PCDH15: variants seen among roughly 807,000 people sequenced by gnomAD.
The protein encoded by PCDH15 is protocadherin-15.
In PCDH15, 129 loss-of-function variants were observed where a neutral mutation model predicts 178.5. The observed-to-expected ratio is 0.72, with a 90% CI of 0.63 to 0.84. The LOEUF is 0.84. PCDH15 is among the 40% of genes least tolerant of loss of function. The pLI, the probability that PCDH15 is intolerant of heterozygous loss-of-function variation, is 0.00. For missense variants in PCDH15, 2,230 were observed against 2,099.9 expected (o/e 1.06, Z -1.21); for synonymous variants, 800 against 732.0 (o/e 1.09, Z -1.50).
chr10:55,447,058 G>C (rs1376752599), intron 2 of PCDH15, among the ~76,000 whole-genome samples: 1 of 151,926 alleles, frequency 6.6e-6, no homozygotes, highest in Non-Finnish European at 1.5e-5. Flanking sequence ...AATGTTGCAA[G>C]TTCAAAGGCA....
chr10:55,545,397 T>A (rs1466079134), intron 2 of PCDH15, among the ~76,000 whole-genome samples: 1 of 151,636 alleles, frequency 6.6e-6, no homozygotes, highest in East Asian at 2.0e-4. Context: ...TTCCTCAGCC[T>A]CCCTAGTAGC....
intron 2 of PCDH15, among the ~76,000 whole-genome samples, chr10:55,357,708 G>A (rs992821582): frequency 6.6e-6 from 1 of 151,808 alleles, no homozygotes; most frequent in Admixed American, 6.6e-5. Flanking sequence ...ATCTCAGGTT[G>A]ACCAGTCACA....
chr10:54,045,537 G>T (rs902116320), intron 18 of PCDH15, among the ~76,000 whole-genome samples: 1 of 152,054 alleles, frequency 6.6e-6, no homozygotes, highest in Non-Finnish European at 1.5e-5. Context: ...ATTGCTGCAA[G>T]ACTAGACTAA....
At chr10:55,531,405 G>C (rs535522458) in intron 2 of PCDH15, among the ~76,000 whole-genome samples, 2 of 151,916 alleles carry the variant, frequency 1.3e-5, no homozygotes, top group Admixed American at 1.3e-4. Flanking sequence ...TACATAAATG[G>C]CTCTTATTAA....
chr10:54,607,944 T>G (rs776324557), intron 2 of PCDH15: 1 of 508,020 alleles, frequency 2.0e-6, no homozygotes, highest in South Asian at 1.4e-5. Flanking sequence ...TGATTACTTT[T>G]GCACCAACCT....
chr10:55,390,268 A>G lies in PCDH15; in HGVS notation c.-155-223617T>C, dbSNP rs143272070. ...TCTTTGCAAAAAAGTGTGAATGATCATCTGAGTCCTCAGTGAATCCTAATC... is the reference window on the plus strand; with the variant it reads ...TCTTTGCAAAAAAGTGTGAATGATCGTCTGAGTCCTCAGTGAATCCTAATC... On this transcript the variant is annotated intron_variant, in intron 2 of 5. Coordinates refer to the PCDH15 transcript ENST00000613346. Among the ~76,000 whole-genome samples, 286 of 152,324 alleles carry G rather than the reference A, an allele frequency of 1.9e-3. 4 individuals carry two copies. Among genetic ancestry groups the G allele is most frequent in the Middle Eastern group, 6.8e-3 (2 of 292 alleles).
At chr10:54,649,548 T>C (rs191692789) in intron 2 of PCDH15, among the ~76,000 whole-genome samples, 133 of 152,230 alleles carry the variant, frequency 8.7e-4, no homozygotes, top group African/African-American at 3.1e-3. Flanking sequence ...AGTATTCCAA[T>C]TTTTCAATGA....
chr10:54,199,628 A>C (rs1047989894), intron 10 of PCDH15, among the ~76,000 whole-genome samples: 1 of 150,764 alleles, frequency 6.6e-6, no homozygotes, highest in Admixed American at 6.6e-5. Flanking sequence ...CCCATGCATC[A>C]AAACTCTGAT....
intron 9 of PCDH15, among the ~76,000 whole-genome samples, chr10:54,236,456 A>G (rs2054633451): frequency 6.6e-6 from 1 of 152,052 alleles, no homozygotes; most frequent in Non-Finnish European, 1.5e-5. Flanking sequence ...ATAGTAACCA[A>G]CCAAAGGTAA....
At chr10:55,120,868 A>T (rs1419255194) in intron 2 of PCDH15, among the ~76,000 whole-genome samples, 1 of 152,224 alleles carries the variant, frequency 6.6e-6, no homozygotes, top group Non-Finnish European at 1.5e-5. Context: ...TGCATAGAGT[A>T]CAAAAGCTGT....
intron 15 of PCDH15, among the ~76,000 whole-genome samples, chr10:54,095,464 A>T (rs1013054708): frequency 5.3e-5 from 8 of 151,950 alleles, no homozygotes; most frequent in Non-Finnish European, 8.8e-5. Flanking sequence ...TATAACATAT[A>T]TGAAACTTGG....
intron 2 of PCDH15, among the ~76,000 whole-genome samples, chr10:54,916,675 C>G (rs1837345545): frequency 6.6e-6 from 1 of 152,168 alleles, no homozygotes; most frequent in Non-Finnish European, 1.5e-5. Context: ...ATCTCACAAT[C>G]CGATATCACC....
intron 1 of PCDH15, among the ~76,000 whole-genome samples, chr10:55,191,598 A>G (rs980139969): frequency 6.6e-6 from 1 of 151,910 alleles, no homozygotes; most frequent in African/African-American, 2.4e-5. Flanking sequence ...TAACATGGGA[A>G]TTATAACTAC....
chr10:54,022,947 T>C lies in PCDH15; in HGVS notation c.2471A>G (p.Tyr824Cys). ...CAAATTCTCTTCAACAAGGACAGTG[T>C]ATGTTGAATTGGTGAACACAGGACT... ...DNSPVFTNST[Y>C]TVLVEENLPA... The change falls in exon 19 of 38, where the codon TAC (tyrosine) becomes TGC (cysteine). Residue 824 changes from tyrosine to cysteine, a missense_variant. Coordinates refer to ENST00000644397, the MANE Select transcript of PCDH15 (RefSeq NM_001384140.1). 3 of 1,613,932 alleles carry C rather than the reference T, an allele frequency of 1.9e-6. No homozygotes were observed. The highest frequency in any genetic ancestry group is 1.1e-5 in the South Asian group (1 of 91,082).
intron 2 of PCDH15, among the ~76,000 whole-genome samples, chr10:55,449,840 G>A (rs188221894): frequency 1.3e-5 from 2 of 152,126 alleles, no homozygotes; most frequent in African/African-American, 4.8e-5. Flanking sequence ...TCTGAGGACA[G>A]TAAGTGTTCA....
chr10:54,002,695 G>T (rs2092217417), intron 20 of PCDH15, among the ~76,000 whole-genome samples: 1 of 152,150 alleles, frequency 6.6e-6, no homozygotes, highest in African/African-American at 2.4e-5. Flanking sequence ...GGAGTTGGCA[G>T]GACTTCCTGG....
At chr10:54,075,695 G>A (rs1201382793) in intron 17 of PCDH15, among the ~76,000 whole-genome samples, 1 of 152,078 alleles carries the variant, frequency 6.6e-6, no homozygotes, top group Non-Finnish European at 1.5e-5. Flanking sequence ...GTTAGATAAG[G>A]TCCAACTTCA....
intron 1 of PCDH15, among the ~76,000 whole-genome samples, chr10:54,758,869 C>T (rs1419665797): frequency 1.3e-5 from 2 of 152,134 alleles, no homozygotes; most frequent in Non-Finnish European, 2.9e-5. Flanking sequence ...TATAGGACTT[C>T]TCTTTATGAT....
chr10:55,503,224 T>C (rs1840692778), intron 2 of PCDH15, among the ~76,000 whole-genome samples: 1 of 151,114 alleles, frequency 6.6e-6, no homozygotes, highest in Non-Finnish European at 1.5e-5. Context: ...AATTACAAAG[T>C]TTTACAATTA....
Sources: allele counts gnomAD v4.1 joint callset (sites outside exome capture counted in the v4.1 genomes callset), GRCh38; gene constraint gnomAD v4.1.1; transcripts MANE v1.5; gene names NCBI Gene and HGNC (gene_info 2026-07-23, HGNC 2026-07-21).